MOB3B: variants seen among roughly 807,000 people sequenced by gnomAD.
MOB3B encodes the protein MOB kinase activator 3B.
Under a neutral mutation model 18.7 loss-of-function variants are expected in MOB3B, and 7 were observed. The observed-to-expected ratio is 0.37, with a 90% CI of 0.21 to 0.70. The LOEUF (loss-of-function observed/expected upper bound fraction) is 0.70. MOB3B is among the 30% of genes least tolerant of loss of function. The pLI is 0.52. For missense variants in MOB3B, 253 were observed against 281.3 expected (o/e 0.90, Z 0.72); for synonymous variants, 111 against 99.9 (o/e 1.11, Z -0.66).
At chr9:27,455,783 C>G in intron 1 of MOB3B, 35 bp from the exon 2 acceptor site, 1 of 1,400,448 alleles carries the variant, frequency 7.1e-7, no homozygotes, top group Non-Finnish European at 9.3e-7. Context: ...CACATGAGTG[C>G]CCAGTTCGCC....
intron 2 of MOB3B, among the ~76,000 whole-genome samples, chr9:27,414,706 G>A (rs975314646): frequency 3.3e-5 from 5 of 152,050 alleles, no homozygotes; most frequent in African/African-American, 7.2e-5. Context: ...AAGGTGACAC[G>A]GTCATGAGGT....
chr9:27,454,720 AATCT>A (rs1437351954), intron 2 of MOB3B, among the ~76,000 whole-genome samples: 1 of 152,208 alleles, frequency 6.6e-6, no homozygotes, highest in African/African-American at 2.4e-5. Flanking sequence ...TCCCCAAACA[AATCT>A]ATGAATTCTC....
At chr9:27,372,927 T>C (rs2131368500) in intron 2 of MOB3B, among the ~76,000 whole-genome samples, 1 of 152,324 alleles carries the variant, frequency 6.6e-6, no homozygotes, top group East Asian at 1.9e-4. Flanking sequence ...TTAGCGATAC[T>C]GGAAACTGGG....
chr9:27,354,208 C>T (rs938965400), intron 3 of MOB3B, among the ~76,000 whole-genome samples: 3 of 152,238 alleles, frequency 2.0e-5, no homozygotes, highest in Non-Finnish European at 4.4e-5. Flanking sequence ...GTGACCTCTT[C>T]CCAGCTTCTG....
At chr9:27,496,212 T>A (rs1819895588) in intron 1 of MOB3B, among the ~76,000 whole-genome samples, 1 of 152,254 alleles carries the variant, frequency 6.6e-6, no homozygotes, top group African/African-American at 2.4e-5. Context: ...TGCTTAATCC[T>A]ACTGCAGGAA....
intron 2 of MOB3B, among the ~76,000 whole-genome samples, chr9:27,369,291 C>G (rs957761541): frequency 6.6e-6 from 1 of 152,162 alleles, no homozygotes; most frequent in Admixed American, 6.5e-5. Flanking sequence ...TAAAACTATT[C>G]TTTATTCCCC....
intron 1 of MOB3B, among the ~76,000 whole-genome samples, chr9:27,496,190 G>A (rs970585893): frequency 2.0e-5 from 3 of 152,200 alleles, no homozygotes; most frequent in Non-Finnish European, 4.4e-5. Flanking sequence ...ATTAACTCAT[G>A]CTGTGTTTAC....
intron 1 of MOB3B, among the ~76,000 whole-genome samples, chr9:27,461,887 G>A (rs1284574283): frequency 1.3e-5 from 2 of 152,176 alleles, no homozygotes; most frequent in Admixed American, 1.3e-4. Flanking sequence ...GAGAAAGAAT[G>A]GAAAGAGTAA....
chr9:27,340,600 T>G (rs1820925829), intron 3 of MOB3B, among the ~76,000 whole-genome samples: 1 of 151,770 alleles, frequency 6.6e-6, no homozygotes, highest in African/African-American at 2.4e-5. Context: ...TGCAACTCTG[T>G]GCTTTTTTTT....
chr9:27,351,392 G>A (rs1468791338), intron 3 of MOB3B, among the ~76,000 whole-genome samples: 2 of 143,474 alleles, frequency 1.4e-5, no homozygotes, highest in East Asian at 2.0e-4. Context: ...TTTTACAGGT[G>A]GGGAAACTGA....
chr9:27,348,366 AAT>A (rs34473918), intron 3 of MOB3B, among the ~76,000 whole-genome samples: 17,322 of 152,152 alleles, frequency 0.11, 2,597 homozygotes, highest in African/African-American at 0.35. Flanking sequence ...CTCTTCAAGA[AAT>A]ATGGCCAGGC....
intron 1 of MOB3B, among the ~76,000 whole-genome samples, chr9:27,470,250 C>G (rs1293219711): frequency 6.6e-6 from 1 of 151,916 alleles, no homozygotes; most frequent in Non-Finnish European, 1.5e-5. Flanking sequence ...CTTTGTTCCT[C>G]CAAATGAAGT....
At chr9:27,362,514 T>G (rs2131359245) in intron 2 of MOB3B, among the ~76,000 whole-genome samples, 1 of 152,290 alleles carries the variant, frequency 6.6e-6, no homozygotes, top group African/African-American at 2.4e-5. Flanking sequence ...GACTCCAGGC[T>G]CAGAATCTCT....
At chr9:27,458,860 T>G (rs1293300629) in intron 1 of MOB3B, among the ~76,000 whole-genome samples, 1 of 152,090 alleles carries the variant, frequency 6.6e-6, no homozygotes, top group African/African-American at 2.4e-5. Context: ...ATCTCCATTT[T>G]ACAGACAAGG....
intron 2 of MOB3B, among the ~76,000 whole-genome samples, chr9:27,372,213 A>T (rs1410827230): frequency 1.3e-5 from 2 of 152,162 alleles, no homozygotes; most frequent in African/African-American, 4.8e-5. Context: ...AAACACAATG[A>T]CAGGGGCGTA....
intron 1 of MOB3B, among the ~76,000 whole-genome samples, chr9:27,487,419 T>G (rs1404090704): frequency 2.6e-5 from 4 of 152,068 alleles, no homozygotes; most frequent in Non-Finnish European, 5.9e-5. Context: ...AGGATAGGCA[T>G]GTCTCCTTAT....
At chr9:27,336,054 C>T (rs1173170799) in intron 3 of MOB3B, among the ~76,000 whole-genome samples, 1 of 152,224 alleles carries the variant, frequency 6.6e-6, no homozygotes, top group Non-Finnish European at 1.5e-5. Context: ...ACACGCATTT[C>T]ATACCTACGA....
intron 1 of MOB3B, among the ~76,000 whole-genome samples, chr9:27,502,755 C>A (rs1418839888): frequency 6.6e-6 from 1 of 152,196 alleles, no homozygotes; most frequent in Admixed American, 6.5e-5. Flanking sequence ...GCCTCCAAGC[C>A]CTCAATCCAC....
intron 2 of MOB3B, among the ~76,000 whole-genome samples, chr9:27,445,875 G>A (rs1031484562): frequency 3.3e-5 from 5 of 151,958 alleles, no homozygotes; most frequent in African/African-American, 1.2e-4. Context: ...CCAGGGGGTG[G>A]GCAACACAAT....
Sources: allele counts gnomAD v4.1 joint callset (sites outside exome capture counted in the v4.1 genomes callset), GRCh38; gene constraint gnomAD v4.1.1; transcripts MANE v1.5; gene names NCBI Gene and HGNC (gene_info 2026-07-23, HGNC 2026-07-21).